Variants in CA10 observed in about 807,000 individuals in gnomAD.
The protein encoded by CA10 is carbonic anhydrase-related protein 10.
Under a neutral mutation model 44.2 loss-of-function variants are expected in CA10, and 14 were observed. The observed-to-expected ratio is 0.32, with a 90% CI of 0.21 to 0.50. CA10 has a LOEUF of 0.50. Among genes scored for constraint, CA10 ranks in the 20% least tolerant of loss-of-function variants. CA10 has a pLI of 0.99. For missense variants in CA10, 350 were observed against 409.7 expected, an observed-to-expected ratio of 0.85 and a Z score of 1.26; for synonymous variants, 159 against 141.6, an observed-to-expected ratio of 1.12 and a Z score of -0.87.
chr17:51,909,497 G>A (rs977009128), intron 3 of CA10, among the ~76,000 whole-genome samples: 2 of 152,064 alleles, frequency 1.3e-5, no homozygotes, highest in African/African-American at 2.4e-5. Flanking sequence ...TTGAGACATG[G>A]GAAGACACTA....
intron 3 of CA10, among the ~76,000 whole-genome samples, chr17:51,824,836 C>A (rs977091782): frequency 6.6e-6 from 1 of 152,198 alleles, no homozygotes; most frequent in Non-Finnish European, 1.5e-5. Context: ...TGATCATATA[C>A]CACTGTGTGA....
chr17:51,968,576 T>C (rs918799941), intron 2 of CA10, among the ~76,000 whole-genome samples: 9 of 151,704 alleles, frequency 5.9e-5, no homozygotes, highest in Admixed American at 4.6e-4. Context: ...GGTTAGGAAA[T>C]GGGGATTAAT....
chr17:51,868,572 C>T (rs956655302), intron 3 of CA10, among the ~76,000 whole-genome samples: 1 of 152,198 alleles, frequency 6.6e-6, no homozygotes, highest in Admixed American at 6.5e-5. Context: ...ATCTTCTGGC[C>T]TCCCTTTTAA....
intron 2 of CA10, among the ~76,000 whole-genome samples, chr17:51,963,836 C>T (rs1452065928): frequency 2.6e-5 from 4 of 152,082 alleles, no homozygotes; most frequent in Non-Finnish European, 5.9e-5. Context: ...ATCTCACAGG[C>T]CCTATAAAGC....
At chr17:51,782,337 C>T (rs143138940) in intron 3 of CA10, among the ~76,000 whole-genome samples, 20 of 152,342 alleles carry the variant, frequency 1.3e-4, no homozygotes, top group African/African-American at 3.8e-4. Flanking sequence ...CCATCCATCA[C>T]ACAAGCACCT....
At chr17:52,137,772 AAG>A in intron 1 of CA10, among the ~76,000 whole-genome samples, 2 of 152,234 alleles carry the variant, frequency 1.3e-5, no homozygotes, top group Non-Finnish European at 2.9e-5. Context: ...GAACAATCAC[AAG>A]CAATTTTACT....
chr17:51,649,064 A>C, intron 6 of CA10, 118 bp downstream of exon 6: 2 of 675,196 alleles, frequency 3.0e-6, no homozygotes, highest in Non-Finnish European at 5.2e-6. Context: ...TTTCTACAGA[A>C]CTGCAGGATC....
intron 3 of CA10, among the ~76,000 whole-genome samples, chr17:51,859,441 G>A (rs1979203117): frequency 6.6e-6 from 1 of 152,104 alleles, no homozygotes; most frequent in Non-Finnish European, 1.5e-5. Context: ...CCTCATATTG[G>A]AATTACTTGG....
At chr17:51,818,376 A>G (rs973459230) in intron 3 of CA10, among the ~76,000 whole-genome samples, 1 of 152,220 alleles carries the variant, frequency 6.6e-6, no homozygotes, top group African/African-American at 2.4e-5. Flanking sequence ...ATTTAAGTAT[A>G]TCTTATTTGC....
chr17:52,030,719 G>A (rs1439863975), intron 2 of CA10, among the ~76,000 whole-genome samples: 1 of 152,184 alleles, frequency 6.6e-6, no homozygotes, highest in African/African-American at 2.4e-5. Context: ...ATTCTTCCAA[G>A]TCCAGAAAAG....
intron 3 of CA10, among the ~76,000 whole-genome samples, chr17:51,785,014 G>A (rs1242173059): frequency 1.3e-5 from 2 of 152,170 alleles, no homozygotes; most frequent in Non-Finnish European, 1.5e-5. Flanking sequence ...ACAAATAAGT[G>A]AGAACATGCA....
chr17:51,870,163 T>C (rs981595970), intron 3 of CA10, among the ~76,000 whole-genome samples: 1 of 152,238 alleles, frequency 6.6e-6, no homozygotes, highest in Admixed American at 6.5e-5. Flanking sequence ...AGAATCACAT[T>C]GAATCAAAGC....
intron 4 of CA10, among the ~76,000 whole-genome samples, chr17:51,703,320 C>T (rs1915659186): frequency 6.6e-6 from 1 of 152,070 alleles, no homozygotes; most frequent in Non-Finnish European, 1.5e-5. Context: ...GAAGTCAGCA[C>T]ATTTGGAATA....
At chr17:52,068,438 G>C (rs1309481016) in intron 2 of CA10, among the ~76,000 whole-genome samples, 1 of 152,212 alleles carries the variant, frequency 6.6e-6, no homozygotes, top group African/African-American at 2.4e-5. Context: ...CTTTAAAGCA[G>C]TATGAAAATG....
At chr17:51,874,114 T>C (rs1160667530) in intron 3 of CA10, among the ~76,000 whole-genome samples, 1 of 151,714 alleles carries the variant, frequency 6.6e-6, no homozygotes, top group African/African-American at 2.4e-5. Flanking sequence ...CTGTGTAGAG[T>C]GTAGGGGAAA....
chr17:51,744,472 T>C (rs1904592467), intron 4 of CA10, among the ~76,000 whole-genome samples: 1 of 152,024 alleles, frequency 6.6e-6, no homozygotes, highest in Admixed American at 6.6e-5. Flanking sequence ...CTGAGTGCAG[T>C]GGATCACACC....
At chr17:51,958,726 T>G (rs1381692548) in intron 2 of CA10, among the ~76,000 whole-genome samples, 1 of 152,020 alleles carries the variant, frequency 6.6e-6, no homozygotes, top group Non-Finnish European at 1.5e-5. Context: ...CTCAAACATA[T>G]CAGGCTAAAA....
At position 51,687,540 on chromosome 17, in the gene CA10, A is replaced by G. The variant is rs755600812; in HGVS notation, c.466-33804T>C. Among the ~76,000 whole-genome samples the G allele has an allele frequency of 3.9e-4, 59 of 152,250 alleles. 1 individual carries two copies. The highest frequency in any genetic ancestry group is 6.5e-4 in the Admixed American group (10 of 15,288). ...CTATCAATGAAAGAAAGCAAGGCCC[A>G]GAGAAACTAGCTTAAGATTTTATAG... is the stretch of plus-strand genomic sequence containing the variant. On this transcript the variant is annotated intron_variant, in intron 4 of 8. Transcript: ENST00000451037.
At chr17:51,914,388 G>T (rs972318862) in intron 3 of CA10, among the ~76,000 whole-genome samples, 8 of 152,228 alleles carry the variant, frequency 5.3e-5, no homozygotes, top group Middle Eastern at 6.8e-3. Context: ...ACTATCTTGG[G>T]CATTTTATGT....
Sources: gnomAD v4.1 joint callset for allele counts (sites outside exome capture counted in the v4.1 genomes callset) on GRCh38, gnomAD v4.1.1 for gene constraint, MANE v1.5 for transcripts, NCBI Gene and HGNC (gene_info 2026-07-23, HGNC 2026-07-21) for gene names.